Variants in KRT8 observed in about 807,000 individuals in gnomAD.
The protein encoded by KRT8 is keratin, type II cytoskeletal 8.
A neutral mutation model predicts 43.0 loss-of-function variants in KRT8; 24 were observed. The observed-to-expected ratio is 0.56, with a 90% confidence interval of 0.40 to 0.78. KRT8 has a LOEUF of 0.78. Among genes scored for constraint, KRT8 ranks in the 30% least tolerant of loss-of-function variants. The pLI is 0.00. For synonymous variants in KRT8, 214 were observed against 261.2 expected, an observed-to-expected ratio of 0.82 and a Z score of 1.74; for missense variants, 492 against 638.4, an observed-to-expected ratio of 0.77 and a Z score of 2.47.
At chr12:52,935,806 C>T (rs1942161503) in intron 2 of KRT8, among the ~76,000 whole-genome samples, 2 of 151,888 alleles carry the variant, frequency 1.3e-5, no homozygotes, top group Admixed American at 1.3e-4. Context: ...CCGTGCCCAG[C>T]CCATAATGGA....
At chr12:52,919,420 C>T (rs117167136) in intron 2 of KRT8, among the ~76,000 whole-genome samples, 3,605 of 152,056 alleles carry the variant, frequency 0.024, 74 homozygotes, top group Admixed American at 0.051. Flanking sequence ...GCATGTACCA[C>T]CACTCTCTGC....
chr12:52,901,859 C>T lies in KRT8; in HGVS notation c.533+5G>A, dbSNP rs1161279928. 1.9e-6 allele frequency: 3 copies of T among 1,602,390 alleles called. No homozygotes were observed. Among genetic ancestry groups the T allele is most frequent in the South Asian group, 1.1e-5 (1 of 90,814 alleles). On this transcript the variant is annotated splice_donor_5th_base_variant and intron_variant, in intron 2 of 7. Coordinates refer to ENST00000692008, the Ensembl canonical transcript of KRT8. Reference sequence around the variant, plus strand: ...TCAGTTGGGTGGAGGGTGGGAGTTGCTCACTTGTTCTTGAAGTCCTCCACC... The same window carrying T: ...TCAGTTGGGTGGAGGGTGGGAGTTGTTCACTTGTTCTTGAAGTCCTCCACC...
At chr12:52,905,086 TA>T (rs530417612), upstream of KRT8, 22 of 1,478,270 alleles carry the variant, frequency 1.5e-5, no homozygotes, top group African/African-American at 2.2e-4. Flanking sequence ...TGGCCTTTTA[TA>T]AAAGAGATCC....
At chr12:52,900,224 T>C (rs1941332844) in intron 4 of KRT8, among the ~76,000 whole-genome samples, 159 bp from the exon 5 acceptor site, 1 of 152,100 alleles carries the variant, frequency 6.6e-6, no homozygotes, top group African/African-American at 2.4e-5. Flanking sequence ...AAAAAGGAAC[T>C]GGGTGCACCA....
intron 2 of KRT8, chr12:52,949,349 G>A (rs1226267547): frequency 6.2e-7 from 1 of 1,609,106 alleles, no homozygotes; most frequent in South Asian, 1.1e-5. Context: ...GGCGGCATGG[G>A]GTCCGGGGGC....
At chr12:52,927,070 C>T (rs1184009344) in intron 2 of KRT8, among the ~76,000 whole-genome samples, 1 of 152,152 alleles carries the variant, frequency 6.6e-6, no homozygotes, top group Non-Finnish European at 1.5e-5. Flanking sequence ...TACCCTGGAC[C>T]CCAAGGATTC....
chr12:52,911,805 C>T (rs1170089357), upstream of KRT8, among the ~76,000 whole-genome samples: 1 of 152,098 alleles, frequency 6.6e-6, no homozygotes, highest in African/African-American at 2.4e-5. Context: ...GGGTGGATCA[C>T]TTGAGGTCAG....
upstream of KRT8, among the ~76,000 whole-genome samples, chr12:52,906,224 C>G (rs1941514884): frequency 6.6e-6 from 1 of 152,124 alleles, no homozygotes; most frequent in Non-Finnish European, 1.5e-5. Context: ...ATGAACAGGG[C>G]TAGAAGGCAG....
intron 2 of KRT8, among the ~76,000 whole-genome samples, chr12:52,918,018 G>A (rs1941780367): frequency 1.5e-5 from 1 of 67,028 alleles, no homozygotes; most frequent in Non-Finnish European, 2.8e-5. Flanking sequence ...AGAAGAAGGA[G>A]AAGAAGAAGA....
Position 52,902,086 on chromosome 12 carries a change from G to A in KRT8, c.325-14C>T, listed in dbSNP as rs1479450549. ...CAGGAACCGTACCTATACGAAGGAG[G>A]AGAGAGCAAAAAGGTCTACATCAGG... On this transcript the variant is annotated splice_polypyrimidine_tract_variant and intron_variant, in intron 1 of 7. Coordinates refer to ENST00000692008, the Ensembl canonical transcript of KRT8. 1.9e-6 allele frequency: 3 copies of A among 1,576,026 alleles called. No homozygotes were observed. Among genetic ancestry groups the A allele is most frequent in the Non-Finnish European group, 2.6e-6 (3 of 1,157,606 alleles).
At chr12:52,903,942 C>G in intron 1 of KRT8, among the ~76,000 whole-genome samples, 1 of 149,756 alleles carries the variant, frequency 6.7e-6, no homozygotes, top group Non-Finnish European at 1.5e-5. Context: ...GAGACTGCTG[C>G]CCGCAGCCCC....
chr12:52,933,278 G>A (rs1160004388), intron 2 of KRT8, among the ~76,000 whole-genome samples: 5 of 152,066 alleles, frequency 3.3e-5, no homozygotes, highest in Non-Finnish European at 7.4e-5. Flanking sequence ...CTGGCAATGA[G>A]AAATTGGAAA....
upstream of KRT8, among the ~76,000 whole-genome samples, chr12:52,911,821 C>T (rs1187044980): frequency 6.6e-6 from 1 of 152,036 alleles, no homozygotes; most frequent in African/African-American, 2.4e-5. Context: ...GTCAGGAGTT[C>T]CAGAACAGCC....
chr12:52,931,901 G>T (rs570838787), intron 2 of KRT8, among the ~76,000 whole-genome samples: 1 of 151,998 alleles, frequency 6.6e-6, no homozygotes, highest in East Asian at 1.9e-4. Flanking sequence ...GACCTCAAGT[G>T]ATCCATCTGC....
At chr12:52,940,621 GT>G (rs1227644988) in intron 2 of KRT8, among the ~76,000 whole-genome samples, 7 of 134,780 alleles carry the variant, frequency 5.2e-5, no homozygotes, top group African/African-American at 1.8e-4. Flanking sequence ...AAAGAACACA[GT>G]GGATTTTTTT....
chr12:52,943,417 C>A (rs1942296991), intron 2 of KRT8, among the ~76,000 whole-genome samples: 1 of 152,200 alleles, frequency 6.6e-6, no homozygotes, highest in Non-Finnish European at 1.5e-5. Context: ...GTCCTCTCTC[C>A]TGGTCTCTTC....
rs774320109 is a variant in KRT8 at position 52,904,911 on chromosome 12, G to A, written c.71C>T (p.Ser24Phe). The A allele has an allele frequency of 1.2e-6, 2 of 1,612,616 alleles. No homozygotes were observed. Among genetic ancestry groups the A allele is most frequent in the South Asian group, 1.1e-5 (1 of 91,072 alleles). Residue 24 changes from serine (S) to phenylalanine (F), a missense_variant, in exon 1 of 8, where the codon TCC becomes TTC. By Grantham distance (155) the Ser-to-Phe change is radical. Transcript: ENST00000692008. ...GCGGGAACCGGGCCCACTCGTGTAG[G>A]AGCGGCTGCTGAAGGCCCGGGGGCC...
chr12:52,940,450 A>G (rs1331469516), intron 2 of KRT8, among the ~76,000 whole-genome samples: 1 of 149,854 alleles, frequency 6.7e-6, no homozygotes, highest in African/African-American at 2.5e-5. Flanking sequence ...AAAAAAAAAA[A>G]GAAAAGTAAA....
intron 2 of KRT8, among the ~76,000 whole-genome samples, chr12:52,922,902 C>T (rs986575248): frequency 6.6e-6 from 1 of 152,180 alleles, no homozygotes; most frequent in African/African-American, 2.4e-5. Flanking sequence ...AAGGCAGATT[C>T]TGCAGCCAGC....
Sources: gnomAD v4.1 joint callset for allele counts (sites outside exome capture counted in the v4.1 genomes callset) on GRCh38, gnomAD v4.1.1 for gene constraint, MANE v1.5 for transcripts, NCBI Gene and HGNC (gene_info 2026-07-23, HGNC 2026-07-21) for gene names.